Variants in TRIM67 observed in about 807,000 individuals in gnomAD.
TRIM67 encodes tripartite motif-containing protein 67.
A neutral mutation model predicts 71.0 loss-of-function variants in TRIM67; 39 were observed. The observed-to-expected ratio is 0.55, with a 90% CI of 0.43 to 0.72. The LOEUF is 0.72. Among genes scored for constraint, TRIM67 ranks in the 30% least tolerant of loss-of-function variants. The probability of loss-of-function intolerance (pLI) is 0.00; values close to 1 mark genes in which losing one functional copy is unlikely to be tolerated. For synonymous variants in TRIM67, 481 were observed against 473.9 expected, an observed-to-expected ratio of 1.01 and a Z score of -0.19; for missense variants, 973 against 1,079.2, an observed-to-expected ratio of 0.90 and a Z score of 1.38.
Position 231,220,033 on chromosome 1 carries a change from G to A in TRIM67, c.*4593G>A. The A allele has an allele frequency of 9.0e-7, 1 of 1,106,830 alleles. No homozygotes were observed. The highest frequency in any genetic ancestry group is 1.6e-5 in the African/African-American group (1 of 62,146). 68.6% of individuals were successfully genotyped at this position (1,106,830 alleles called of 1,614,324 possible). On this transcript the variant is annotated 3_prime_UTR_variant, in exon 10 of 10. Coordinates refer to ENST00000366653, the MANE Select transcript of TRIM67 (RefSeq NM_001004342.5). Reference sequence around the variant, plus strand: ...GTGCCTCAGTATCCCCACCTGAAATGAGACTAGTCATACTAACCTACCTCC... The same window carrying A: ...GTGCCTCAGTATCCCCACCTGAAATAAGACTAGTCATACTAACCTACCTCC...
At chr1:231,187,839 G>A (rs1244540830) in intron 1 of TRIM67, among the ~76,000 whole-genome samples, 6 of 152,188 alleles carry the variant, frequency 3.9e-5, no homozygotes, top group Non-Finnish European at 8.8e-5. Flanking sequence ...CAGATGCTTG[G>A]TTAGGCTGTG....
intron 1 of TRIM67, chr1:231,186,011 A>G (rs902112104): frequency 7.5e-7 from 1 of 1,336,556 alleles, no homozygotes; most frequent in Non-Finnish European, 1.0e-6. Context: ...TCTGGAAGAT[A>G]GGTGCTTGGG....
At chr1:231,185,655 A>G (rs1379051230) in intron 1 of TRIM67, among the ~76,000 whole-genome samples, 1 of 151,886 alleles carries the variant, frequency 6.6e-6, no homozygotes, top group Non-Finnish European at 1.5e-5. Context: ...AATTCAGAAG[A>G]CACTGTTGAG....
rs1363202746 is a variant in TRIM67, at chr1:231,219,975, G to A, written c.*4535G>A. On this transcript the variant is annotated 3_prime_UTR_variant, in exon 10 of 10. Transcript: ENST00000366653. ...TAACCTGGCTTTAATAGTGATTCAT[G>A]GTATGAGTGGGGGCCAATCTCTTAT... 3 of 1,288,044 alleles carry A rather than the reference G, an allele frequency of 2.3e-6. No individual in the cohort carries two copies. The African/African-American group carries it at 4.6e-5, about 20-fold the overall frequency. The allele number at this position is 1,288,044 out of a possible 1,614,324, so 79.8% of individuals were successfully genotyped here. A position where few individuals can be genotyped will look rare whatever the true frequency, so the allele number is the denominator to read the frequency against.
chr1:231,204,212 C>T (rs1010348928), intron 6 of TRIM67, among the ~76,000 whole-genome samples, 200 bp downstream of exon 6: 5 of 152,186 alleles, frequency 3.3e-5, no homozygotes, highest in African/African-American at 1.2e-4. Context: ...CTGACACAGG[C>T]GTGGGGCTGG....
chr1:231,197,693 C>T (rs1173898035), intron 2 of TRIM67, among the ~76,000 whole-genome samples: 4 of 152,108 alleles, frequency 2.6e-5, no homozygotes, highest in Non-Finnish European at 5.9e-5. Flanking sequence ...GGCGTGGTGG[C>T]GCATGCCTGT....
At chr1:231,177,317 A>G (rs944632965) in intron 1 of TRIM67, among the ~76,000 whole-genome samples, 2 of 152,234 alleles carry the variant, frequency 1.3e-5, no homozygotes, top group Non-Finnish European at 2.9e-5. Context: ...CTCATCAGAC[A>G]CCTATTGTCA....
At chr1:231,165,509 G>A (rs1480186858) in intron 1 of TRIM67, among the ~76,000 whole-genome samples, 4 of 152,204 alleles carry the variant, frequency 2.6e-5, no homozygotes, top group Non-Finnish European at 5.9e-5. Context: ...TGAATTTGCA[G>A]AAAGCTACAG....
intron 1 of TRIM67, among the ~76,000 whole-genome samples, chr1:231,181,811 C>A (rs1682914532): frequency 6.6e-6 from 1 of 152,164 alleles, no homozygotes; most frequent in Non-Finnish European, 1.5e-5. Flanking sequence ...GTTTTACTGA[C>A]AACCTGCTTT....
intron 4 of TRIM67, among the ~76,000 whole-genome samples, chr1:231,200,792 G>A (rs983779747): frequency 9.9e-5 from 15 of 152,244 alleles, no homozygotes; most frequent in African/African-American, 3.4e-4. Context: ...AAAGACACAC[G>A]AGACCCTGGC....
At chr1:231,182,864 A>T (rs1391313681) in intron 1 of TRIM67, among the ~76,000 whole-genome samples, 2 of 152,312 alleles carry the variant, frequency 1.3e-5, no homozygotes, top group African/African-American at 2.4e-5. Context: ...GTGCCTGCGG[A>T]TATAGCTAAT....
At chr1:231,190,369 G>T (rs529661027) in intron 1 of TRIM67, among the ~76,000 whole-genome samples, 21 of 152,244 alleles carry the variant, frequency 1.4e-4, no homozygotes, top group African/African-American at 5.1e-4. Flanking sequence ...CTGGCTTAGC[G>T]ACACAAACAC....
intron 1 of TRIM67, among the ~76,000 whole-genome samples, chr1:231,183,212 C>G (rs1410026007): frequency 2.0e-5 from 3 of 152,162 alleles, no homozygotes; most frequent in African/African-American, 7.2e-5. Flanking sequence ...GCTGTCTTTG[C>G]ATTTGTTGGG....
chr1:231,200,058 C>T, intron 3 of TRIM67, 90 bp from the exon 4 acceptor site: 1 of 959,890 alleles, frequency 1.0e-6, no homozygotes, highest in African/African-American at 1.6e-5. Context: ...CTCTTCCAGG[C>T]TGTATTGGCA....
chr1:231,171,720 G>A (rs1194341049), intron 1 of TRIM67, among the ~76,000 whole-genome samples: 3 of 152,104 alleles, frequency 2.0e-5, no homozygotes, highest in African/African-American at 4.8e-5. Flanking sequence ...ATTATGAGTC[G>A]CAACCTCTTC....
rs1683796266 is a variant in TRIM67, at chr1:231,209,159, G to A, written c.2032G>A (p.Asp678Asn). The A allele has an allele frequency of 6.2e-7, 1 of 1,613,326 alleles. No homozygotes were observed. Among genetic ancestry groups the A allele is most frequent in the Admixed American group, 1.7e-5 (1 of 59,934 alleles). The change falls in exon 8 of 10, where the codon GAC becomes AAC. Residue 678 changes from aspartate (D) to asparagine (N), a missense_variant. Around this residue, in one of 2 missense-constraint regions of TRIM67, gnomAD observed 178 missense variants for 247.9 expected, o/e 0.72. Coordinates refer to ENST00000366653, the MANE Select transcript of TRIM67 (RefSeq NM_001004342.5). This position sits in a 1 kb window ranked among gnomAD's most constrained non-coding sequence, Gnocchi z 4.1. ...GGTGGCCAGGGCCAGCGTGGTCAAG[G>A]ACATGATGCTGGGCAAGGATGACAA... is the stretch of plus-strand genomic sequence containing the variant. The part of the protein sequence containing the change: ...FGVARASVVK[D>N]MMLGKDDKAW...
chr1:231,198,449 C>G (rs1248799175), intron 2 of TRIM67, among the ~76,000 whole-genome samples: 2 of 152,142 alleles, frequency 1.3e-5, no homozygotes, highest in Non-Finnish European at 2.9e-5. Flanking sequence ...TGCAATGGCA[C>G]GATCTCAGCT....
chr1:231,197,499 C>A, intron 2 of TRIM67, 33 bp downstream of exon 2: 1 of 1,596,726 alleles, frequency 6.3e-7, no homozygotes, highest in African/African-American at 1.3e-5. Context: ...GAGAAATACT[C>A]AGTGTTGAAA....
rs1684062648 is a variant in TRIM67, at chr1:231,218,217, A to G, written c.*2777A>G. ...GTAGAAATGACAGACAGGTCATGGA[A>G]TTCTCATCCACCATCGAATTCCATA... is the stretch of plus-strand genomic sequence containing the variant. On this transcript the variant is annotated 3_prime_UTR_variant, in exon 10 of 10. Transcript: ENST00000366653. The G allele has an allele frequency of 9.9e-7, 1 of 1,012,882 alleles. No individual in the cohort carries two copies. The highest frequency in any genetic ancestry group is 1.7e-5 in the African/African-American group (1 of 58,808). 62.7% of individuals were successfully genotyped at this position (1,012,882 alleles called of 1,614,324 possible).
Sources: allele counts gnomAD v4.1 joint callset (sites outside exome capture counted in the v4.1 genomes callset), GRCh38; gene constraint gnomAD v4.1.1; regional missense constraint gnomAD v4.1.1; non-coding constraint Gnocchi (gnomAD v3.1); transcripts MANE v1.5; gene names NCBI Gene and HGNC (gene_info 2026-07-23, HGNC 2026-07-21).